The following STARD9 variants were observed in gnomAD, a reference collection of about 807,000 sequenced individuals.
STARD9 encodes StAR related lipid transfer domain containing 9.
A neutral mutation model predicts 399.8 loss-of-function variants in STARD9; 346 were observed. The ratio of observed to expected loss-of-function variants is 0.87; its 90% CI spans 0.79 to 0.95. The LOEUF is 0.95. Among genes scored for constraint, STARD9 ranks in the 40% least tolerant of loss-of-function variants. The pLI, the probability that STARD9 is intolerant of heterozygous loss-of-function variation, is 0.00. For synonymous variants in STARD9, 2,203 were observed against 2,143.5 expected, an observed-to-expected ratio of 1.03 and a Z score of -0.77; for missense variants, 5,832 against 5,667.5, an observed-to-expected ratio of 1.03 and a Z score of -0.93.
At chr15:42,631,363 C>T (rs910295797) in intron 3 of STARD9, among the ~76,000 whole-genome samples, 4 of 152,050 alleles carry the variant, frequency 2.6e-5, no homozygotes, top group African/African-American at 9.7e-5. Flanking sequence ...GGGCAGACTG[C>T]CTGAGCTCAG....
intron 23 of STARD9, 30 bp from the exon 24 acceptor site, chr15:42,694,498 C>T (rs1311114935): frequency 2.0e-6 from 3 of 1,535,012 alleles, no homozygotes; most frequent in African/African-American, 1.4e-5. Flanking sequence ...ACATTCAGGG[C>T]CAGCTTCAGC....
intron 18 of STARD9, 82 bp from the exon 19 acceptor site, chr15:42,675,582 C>T: frequency 8.3e-6 from 9 of 1,078,100 alleles, no homozygotes. Flanking sequence ...ATGACTTTGT[C>T]TCACAGAGCA....
intron 3 of STARD9, among the ~76,000 whole-genome samples, chr15:42,607,996 C>T (rs1026672789): frequency 1.3e-5 from 2 of 152,202 alleles, no homozygotes; most frequent in Non-Finnish European, 2.9e-5. Context: ...TGCTCACCCC[C>T]ACCCCCCGCA....
intron 3 of STARD9, among the ~76,000 whole-genome samples, chr15:42,608,311 G>A (rs886377248): frequency 1.3e-5 from 2 of 152,118 alleles, no homozygotes; most frequent in African/African-American, 2.4e-5. Flanking sequence ...CCTGCCAGCC[G>A]GATGCGTGAG....
In STARD9 at chr15:42,687,699, G is replaced by A; in HGVS notation, c.6121G>A (p.Val2041Ile). 6.5e-7 allele frequency: 1 copy of A among 1,537,346 alleles called. No individual in the cohort carries two copies. The highest frequency in any genetic ancestry group is 8.7e-7 in the Non-Finnish European group (1 of 1,146,898). The change falls in exon 23 of 33, where the codon GTT (valine) becomes ATT (isoleucine). Residue 2041 changes from valine (V) to isoleucine (I), a missense_variant. Val to Ile is a conservative substitution (Grantham distance 29, BLOSUM62 3). Around this residue, in one of 2 missense-constraint regions of STARD9, gnomAD observed 5,828 missense variants for 5,651.1 expected, o/e 1.03. Coordinates refer to ENST00000290607, the MANE Select transcript of STARD9 (RefSeq NM_020759.3). ...TTCTGGAAAGAAACAGAATAAAAGA[G>A]TTAATAATACTGATGAAATGGCTAG... ...EPSGKKQNKR[V>I]NNTDEMARLI... is the part of the protein sequence containing the mutation.
intron 16 of STARD9, chr15:42,670,646 T>C (rs1490715837): frequency 6.6e-6 from 1 of 152,170 alleles, no homozygotes; most frequent in Non-Finnish European, 1.5e-5. Flanking sequence ...CCTGGAGAAA[T>C]TGGACTCCTT....
At chr15:42,698,756 G>A (rs2060898469) in intron 26 of STARD9, among the ~76,000 whole-genome samples, 1 of 152,024 alleles carries the variant, frequency 6.6e-6, no homozygotes, top group Non-Finnish European at 1.5e-5. Flanking sequence ...TAGAACTTCT[G>A]TGGTTTTATT....
At chr15:42,626,557 G>C (rs2059228358) in intron 3 of STARD9, among the ~76,000 whole-genome samples, 1 of 151,212 alleles carries the variant, frequency 6.6e-6, no homozygotes, top group Admixed American at 6.6e-5. Flanking sequence ...CTGGAGCGCA[G>C]TGGCGCGATT....
intron 21 of STARD9, among the ~76,000 whole-genome samples, chr15:42,681,903 T>C (rs2060438366): frequency 6.6e-6 from 1 of 152,152 alleles, no homozygotes; most frequent in Non-Finnish European, 1.5e-5. Context: ...TGCCCACTGC[T>C]GTGCTGAGTC....
intron 9 of STARD9, among the ~76,000 whole-genome samples, chr15:42,657,539 C>A (rs1021940553): frequency 6.6e-6 from 1 of 152,076 alleles, no homozygotes; most frequent in Non-Finnish European, 1.5e-5. Context: ...GACAGTTCAA[C>A]AATGGTTGGA....
Position 42,686,394 on chromosome 15 carries a change from C to T in STARD9, c.4816C>T (p.Gln1606Ter), listed in dbSNP as rs1240383755. 1 of 1,537,642 alleles carries T rather than the reference C, an allele frequency of 6.5e-7. No individual in the cohort carries two copies. The highest frequency in any genetic ancestry group is 2.0e-5 in the Admixed American group (1 of 51,002). ...SLSASRSTNA[Q>*]VFATENAIPD... ...GTCTGCTTCTCGATCTACAAATGCA[C>T]AGGTCTTTGCAACAGAGAACGCGAT... is the stretch of plus-strand genomic sequence containing the variant. The change falls in exon 23 of 33, where the codon CAG becomes TAG. Residue 1606 changes from glutamine (Q) to a stop codon, truncating the protein, a stop_gained. Transcript: ENST00000290607. LOFTEE classifies it high-confidence loss of function.
chr15:42,594,593 T>G (rs1020658001), intron 3 of STARD9, among the ~76,000 whole-genome samples: 5 of 152,240 alleles, frequency 3.3e-5, no homozygotes, highest in Non-Finnish European at 7.3e-5. Flanking sequence ...TACTTACTTT[T>G]TCAGATTGAA....
chr15:42,688,135 AAC>A lies in STARD9; in HGVS notation c.6563_6564del (p.Thr2188AsnfsTer20), dbSNP rs1360344528. Reference sequence around the variant, plus strand: ...AGGGATATTTGTGATTCTTTAGGGAAACACACAACTTGCAGAGAGTTCACCAA... The same window carrying A: ...AGGGATATTTGTGATTCTTTAGGGAAACACAACTTGCAGAGAGTTCACCAA... On this transcript the variant is annotated frameshift_variant, in exon 23 of 33. Coordinates refer to ENST00000290607, the MANE Select transcript of STARD9 (RefSeq NM_020759.3). LOFTEE classifies it high-confidence loss of function. 19 of 1,537,266 alleles carry A rather than the reference AAC, an allele frequency of 1.2e-5. No homozygotes were observed. The highest frequency in any genetic ancestry group is 1.6e-5 in the Non-Finnish European group (18 of 1,146,960).
At chr15:42,709,183 T>A (rs2061156453) in intron 26 of STARD9, among the ~76,000 whole-genome samples, 1 of 151,390 alleles carries the variant, frequency 6.6e-6, no homozygotes, top group Admixed American at 6.6e-5. Context: ...ATCACTTGAG[T>A]CCAGTATTTT....
chr15:42,581,351 T>C, intron 1 of STARD9: 3 of 1,428,596 alleles, frequency 2.1e-6, no homozygotes, highest in Admixed American at 1.7e-5. Flanking sequence ...TTTCTCCTGG[T>C]GTGGTGGAGA....
intron 3 of STARD9, among the ~76,000 whole-genome samples, chr15:42,613,360 A>G (rs1022668925): frequency 6.6e-6 from 1 of 152,148 alleles, no homozygotes; most frequent in Admixed American, 6.5e-5. Context: ...AAGAGGGGAT[A>G]TTTTAGGATC....
chr15:42,694,771 A>C, intron 24 of STARD9, 46 bp downstream of exon 24: 1 of 1,342,696 alleles, frequency 7.4e-7, no homozygotes, highest in Non-Finnish European at 9.9e-7. Context: ...CTGTTGGGGG[A>C]GGGGAGTATG....
At chr15:42,641,861 C>T (rs1380261945) in intron 7 of STARD9, among the ~76,000 whole-genome samples, 1 of 152,170 alleles carries the variant, frequency 6.6e-6, no homozygotes. Context: ...GCCTCGGCCT[C>T]CCAAAGTGCT....
chr15:42,634,725 T>C, intron 3 of STARD9, 131 bp from the exon 4 acceptor site: 1 of 534,826 alleles, frequency 1.9e-6, no homozygotes, highest in Non-Finnish European at 3.3e-6. Context: ...AATTGATTCT[T>C]ATGAAATGGT....
Sources: gnomAD v4.1 joint callset for allele counts (sites outside exome capture counted in the v4.1 genomes callset) on GRCh38, gnomAD v4.1.1 for gene constraint, gnomAD v4.1.1 regional missense constraint, MANE v1.5 for transcripts, NCBI Gene and HGNC (gene_info 2026-07-23, HGNC 2026-07-21) for gene names.